Variants in DAB1 observed in about 807,000 individuals in gnomAD.
DAB1 encodes disabled homolog 1.
DAB1 carries 15 observed loss-of-function variants against 64.6 expected under a neutral mutation model. That is an observed-to-expected ratio of 0.23 (90% CI 0.16 to 0.36). The LOEUF is 0.36. Among genes scored for constraint, DAB1 ranks in the 10% least tolerant of loss-of-function variants. DAB1 has a pLI of 1.00. For synonymous variants in DAB1, 235 were observed against 251.9 expected, an observed-to-expected ratio of 0.93 and a Z score of 0.64; for missense variants, 596 against 706.7, an observed-to-expected ratio of 0.84 and a Z score of 1.78.
chr1:57,201,411 C>T (rs1444308011), intron 2 of DAB1, among the ~76,000 whole-genome samples: 1 of 152,038 alleles, frequency 6.6e-6, no homozygotes, highest in Admixed American at 6.6e-5. Flanking sequence ...CCAGCCTTCT[C>T]TCGGTGTCTG....
chr1:58,303,862 C>T (rs1662229201), intron 4 of DAB1, among the ~76,000 whole-genome samples: 3 of 152,098 alleles, frequency 2.0e-5, no homozygotes, highest in Admixed American at 2.0e-4. Context: ...TAATTACCCC[C>T]CTAATTTATT....
At chr1:58,472,716 G>C (rs530782191) in intron 3 of DAB1, among the ~76,000 whole-genome samples, 2 of 152,332 alleles carry the variant, frequency 1.3e-5, no homozygotes, top group East Asian at 3.9e-4. Flanking sequence ...AAGCTATCTT[G>C]AGTAGAAAAC....
chr1:57,420,474 A>C (rs1684812022), intron 1 of DAB1, among the ~76,000 whole-genome samples: 1 of 152,266 alleles, frequency 6.6e-6, no homozygotes, highest in Admixed American at 6.5e-5. Context: ...ATATGTGTAA[A>C]GTGCTTAGAA....
At chr1:57,293,074 C>T (rs1254051684) in intron 1 of DAB1, among the ~76,000 whole-genome samples, 3 of 152,080 alleles carry the variant, frequency 2.0e-5, no homozygotes, top group Non-Finnish European at 4.4e-5. Flanking sequence ...GCAGAAAGAT[C>T]AGCATGTGTA....
intron 6 of DAB1, among the ~76,000 whole-genome samples, chr1:57,704,000 C>T (rs1570753327): frequency 6.6e-6 from 1 of 151,994 alleles, no homozygotes; most frequent in South Asian, 2.1e-4. Context: ...AACACATGGA[C>T]ACATAAAGGG....
intron 8 of DAB1, among the ~76,000 whole-genome samples, chr1:57,064,332 T>A (rs974780805): frequency 6.6e-6 from 1 of 152,188 alleles, no homozygotes; most frequent in Admixed American, 6.5e-5. Context: ...GTGACCAGGT[T>A]CAAACCCAGC....
chr1:58,354,735 G>A (rs961680120), intron 3 of DAB1, among the ~76,000 whole-genome samples: 1 of 152,134 alleles, frequency 6.6e-6, no homozygotes, highest in Non-Finnish European at 1.5e-5. Context: ...TTGTGCTAGA[G>A]TCCATAGCTT....
intron 1 of DAB1, among the ~76,000 whole-genome samples, chr1:57,839,712 T>A (rs918728776): frequency 6.6e-6 from 1 of 152,190 alleles, no homozygotes; most frequent in South Asian, 2.1e-4. Context: ...AAGGAGGCCA[T>A]TAGGAAATGC....
chr1:57,461,582 C>T (rs1686780030), intron 7 of DAB1, among the ~76,000 whole-genome samples: 1 of 152,170 alleles, frequency 6.6e-6, no homozygotes, highest in Non-Finnish European at 1.5e-5. Context: ...TTCTGGAAAA[C>T]ATCATGCTAT....
chr1:57,570,457 G>C (rs889807602), intron 7 of DAB1, among the ~76,000 whole-genome samples: 5 of 151,676 alleles, frequency 3.3e-5, no homozygotes, highest in Non-Finnish European at 2.9e-5. Context: ...TTATGTTTTT[G>C]CTTGCTTTGT....
rs573021354 is a variant in DAB1 at position 57,350,955 on chromosome 1, C to T, written c.-136-59789G>A. ...GAAATAAATAAGAAGAGGCCCCTGA[C>T]CTCAAAGGGTTCGAATGAAACAGAA... is the stretch of plus-strand genomic sequence containing the variant. On this transcript the variant is annotated intron_variant, in intron 1 of 14. Coordinates refer to ENST00000371236, the MANE Select transcript of DAB1 (RefSeq NM_001365792.1). Among the ~76,000 whole-genome samples, 3 of 152,222 alleles carry T rather than the reference C, an allele frequency of 2.0e-5. No homozygotes were observed. In the East Asian group the frequency reaches 5.8e-4, roughly 29 times the overall value.
intron 7 of DAB1, among the ~76,000 whole-genome samples, chr1:57,543,286 A>T (rs1225641735): frequency 4.6e-5 from 7 of 152,170 alleles, no homozygotes; most frequent in Admixed American, 4.6e-4. Context: ...AGTAAATGTC[A>T]GGCCCTGGTT....
chr1:57,146,571 G>A (rs1257198389), intron 2 of DAB1, among the ~76,000 whole-genome samples: 1 of 152,032 alleles, frequency 6.6e-6, no homozygotes, highest in Non-Finnish European at 1.5e-5. Flanking sequence ...GAGAATTATC[G>A]GAAGACATGC....
chr1:57,870,171 G>T (rs1418074792), intron 1 of DAB1, among the ~76,000 whole-genome samples: 1 of 152,102 alleles, frequency 6.6e-6, no homozygotes, highest in East Asian at 1.9e-4. Flanking sequence ...CATATGCAAG[G>T]CCAGGTGCAT....
At chr1:58,475,888 C>T in intron 3 of DAB1, among the ~76,000 whole-genome samples, 1 of 152,076 alleles carries the variant, frequency 6.6e-6, no homozygotes, top group East Asian at 1.9e-4. Context: ...AAACTAAACT[C>T]AATATTTCTG....
At chr1:57,985,145 T>A (rs1646182920) in intron 5 of DAB1, among the ~76,000 whole-genome samples, 1 of 152,174 alleles carries the variant, frequency 6.6e-6, no homozygotes, top group Non-Finnish European at 1.5e-5. Flanking sequence ...TGACCTCAAG[T>A]AATCCACCCG....
upstream of DAB1, among the ~76,000 whole-genome samples, chr1:57,426,308 G>A (rs1163308685): frequency 6.6e-6 from 1 of 152,136 alleles, no homozygotes; most frequent in Non-Finnish European, 1.5e-5. Flanking sequence ...AGTCCACCAC[G>A]GAAACTGGGC....
At chr1:58,212,611 C>G (rs946890108) in intron 4 of DAB1, among the ~76,000 whole-genome samples, 8 of 152,186 alleles carry the variant, frequency 5.3e-5, no homozygotes, top group Admixed American at 2.0e-4. Context: ...CTCCCCCACT[C>G]TTGAAGCTCT....
intron 6 of DAB1, among the ~76,000 whole-genome samples, chr1:57,709,839 G>A (rs1647007340): frequency 1.3e-5 from 2 of 152,060 alleles, no homozygotes; most frequent in South Asian, 4.1e-4. Flanking sequence ...TATTGTACAG[G>A]TGGTGACAAA....
Sources: gnomAD v4.1 joint callset for allele counts (sites outside exome capture counted in the v4.1 genomes callset) on GRCh38, gnomAD v4.1.1 for gene constraint, MANE v1.5 for transcripts, NCBI Gene and HGNC (gene_info 2026-07-23, HGNC 2026-07-21) for gene names.